Variants in GABRG3 observed in about 807,000 individuals in gnomAD.
GABRG3 encodes gamma-aminobutyric acid receptor subunit gamma-3.
In GABRG3, 25 loss-of-function variants were observed where a neutral mutation model predicts 48.8. That is an observed-to-expected ratio of 0.51 (90% CI 0.37 to 0.72). GABRG3 has a LOEUF of 0.72. Among genes scored for constraint, GABRG3 ranks in the 30% least tolerant of loss-of-function variants. The pLI is 0.00. For synonymous variants in GABRG3, 227 were observed against 217.6 expected (o/e 1.04, Z -0.38); for missense variants, 394 against 577.9 (o/e 0.68, Z 3.26).
At chr15:27,270,977 C>A (rs961617904) in intron 3 of GABRG3, among the ~76,000 whole-genome samples, 2 of 152,084 alleles carry the variant, frequency 1.3e-5, no homozygotes, top group East Asian at 3.9e-4. Flanking sequence ...GAATGGGTGG[C>A]CAGGAAGAAA....
At chr15:27,422,372 C>T (rs1888149170) in intron 5 of GABRG3, 3 of 152,436 alleles carry the variant, frequency 2.0e-5, no homozygotes, top group Admixed American at 1.3e-4. Flanking sequence ...TCCACCAATA[C>T]TGAGTATTCT....
intron 3 of GABRG3, among the ~76,000 whole-genome samples, chr15:27,109,754 TG>T (rs1897512684): frequency 6.6e-6 from 1 of 152,094 alleles, no homozygotes; most frequent in Non-Finnish European, 1.5e-5. Context: ...TGGTGGCACG[TG>T]TCTGTGGTCC....
intron 3 of GABRG3, among the ~76,000 whole-genome samples, chr15:27,306,792 TA>T (rs1322797863): frequency 8.7e-5 from 9 of 103,946 alleles, no homozygotes; most frequent in African/African-American, 3.7e-4. Context: ...TGTTTATATA[TA>T]AACATACAAT....
At chr15:27,393,095 G>A (rs34305490) in intron 5 of GABRG3, among the ~76,000 whole-genome samples, 5 of 151,886 alleles carry the variant, frequency 3.3e-5, no homozygotes, top group East Asian at 3.9e-4. Context: ...CCTGTAATCC[G>A]AGCACTTTGG....
At chr15:27,149,874 TA>T (rs1898278524) in intron 3 of GABRG3, among the ~76,000 whole-genome samples, 1 of 152,230 alleles carries the variant, frequency 6.6e-6, no homozygotes, top group Non-Finnish European at 1.5e-5. Context: ...CCTGAGAAGC[TA>T]GCCATAAATA....
intron 3 of GABRG3, among the ~76,000 whole-genome samples, chr15:27,303,310 A>G (rs1025306783): frequency 2.0e-5 from 3 of 151,800 alleles, no homozygotes; most frequent in Admixed American, 6.6e-5. Context: ...ATAAGGGAGT[A>G]CTAGAAACAC....
intron 5 of GABRG3, among the ~76,000 whole-genome samples, chr15:27,344,143 C>G (rs1290556468): frequency 6.6e-6 from 1 of 152,164 alleles, no homozygotes; most frequent in Non-Finnish European, 1.5e-5. Context: ...ATAATGTGAT[C>G]TGTTCTGAGG....
At chr15:27,413,471 G>A (rs1444824826) in intron 5 of GABRG3, among the ~76,000 whole-genome samples, 2 of 152,170 alleles carry the variant, frequency 1.3e-5, no homozygotes, top group African/African-American at 2.4e-5. Context: ...AAAAAGCAAC[G>A]TGTGTGATAA....
At chr15:27,285,488 ATTT>A (rs1244822126) in intron 3 of GABRG3, among the ~76,000 whole-genome samples, 1 of 152,166 alleles carries the variant, frequency 6.6e-6, no homozygotes, top group African/African-American at 2.4e-5. Flanking sequence ...TTTAGTGAAC[ATTT>A]TTTAAGTATC....
At chr15:27,367,684 A>G (rs1044557932) in intron 5 of GABRG3, among the ~76,000 whole-genome samples, 1 of 152,244 alleles carries the variant, frequency 6.6e-6, no homozygotes, top group Admixed American at 6.5e-5. Flanking sequence ...GTAGCATTGC[A>G]TATAATATAT....
At chr15:27,123,163 A>G (rs1374920893) in intron 3 of GABRG3, among the ~76,000 whole-genome samples, 2 of 152,240 alleles carry the variant, frequency 1.3e-5, no homozygotes, top group African/African-American at 2.4e-5. Flanking sequence ...AGGTTGGAAT[A>G]TGCTGATGGG....
chr15:27,392,187 G>A (rs1234865331), intron 5 of GABRG3, among the ~76,000 whole-genome samples: 1 of 152,074 alleles, frequency 6.6e-6, no homozygotes, highest in Admixed American at 6.6e-5. Context: ...ACCCAGTATT[G>A]ATATATTAAC....
At chr15:27,177,637 G>A (rs915211170) in intron 3 of GABRG3, among the ~76,000 whole-genome samples, 4 of 152,210 alleles carry the variant, frequency 2.6e-5, no homozygotes, top group African/African-American at 7.2e-5. Flanking sequence ...GAGGTTAGAA[G>A]CAAGATGGAG....
intron 2 of GABRG3, among the ~76,000 whole-genome samples, chr15:26,994,920 A>C (rs1238063150): frequency 6.6e-6 from 1 of 152,032 alleles, no homozygotes; most frequent in Non-Finnish European, 1.5e-5. Context: ...CTTAAGAAAA[A>C]TGTTTATTCT....
At chr15:27,353,426 C>CTTTTTTTTTATTTATT (rs367835979) in intron 5 of GABRG3, among the ~76,000 whole-genome samples, 19 of 146,110 alleles carry the variant, frequency 1.3e-4, no homozygotes, top group African/African-American at 4.4e-4. Context: ...TTCTTTCTTT[C>CTTTTTTTTTATTTATT]TATTTATTTA....
At chr15:27,291,081 A>G (rs1380635121) in intron 3 of GABRG3, among the ~76,000 whole-genome samples, 1 of 152,336 alleles carries the variant, frequency 6.6e-6, no homozygotes, top group African/African-American at 2.4e-5. Flanking sequence ...GGAAGTGCTC[A>G]TATTTTCTTG....
At chr15:27,349,067 CA>C (rs1230391501) in intron 5 of GABRG3, among the ~76,000 whole-genome samples, 2 of 151,816 alleles carry the variant, frequency 1.3e-5, no homozygotes, top group African/African-American at 4.8e-5. Context: ...CAGGAATTGA[CA>C]AGGAATTGTG....
At chr15:27,418,148 A>G (rs942645984) in intron 5 of GABRG3, among the ~76,000 whole-genome samples, 4 of 152,194 alleles carry the variant, frequency 2.6e-5, no homozygotes, top group African/African-American at 9.7e-5. Context: ...GCCTCAGATG[A>G]ATATGAAGGA....
chr15:27,322,196 A>G (rs983122912), intron 3 of GABRG3, among the ~76,000 whole-genome samples: 2 of 152,234 alleles, frequency 1.3e-5, no homozygotes, highest in African/African-American at 2.4e-5. Flanking sequence ...TTTCTTCAAC[A>G]TTTAGTCAAA....
Sources: gnomAD v4.1 joint callset for allele counts (sites outside exome capture counted in the v4.1 genomes callset) on GRCh38, gnomAD v4.1.1 for gene constraint, MANE v1.5 for transcripts, NCBI Gene and HGNC (gene_info 2026-07-23, HGNC 2026-07-21) for gene names.